ARMC2: variants seen among roughly 807,000 people sequenced by gnomAD.
ARMC2 encodes the protein armadillo repeat containing 2, also known as armadillo repeat-containing protein 2.
Under a neutral mutation model 90.3 loss-of-function variants are expected in ARMC2, and 67 were observed. The ratio of observed to expected loss-of-function variants is 0.74; its 90% confidence interval spans 0.61 to 0.91. The LOEUF is 0.91. Among genes scored for constraint, ARMC2 ranks in the 40% least tolerant of loss-of-function variants. The pLI, the probability that ARMC2 is intolerant of heterozygous loss-of-function variation, is 0.00. For missense variants in ARMC2, 920 were observed against 1,030.9 expected (o/e 0.89, Z 1.47); for synonymous variants, 393 against 393.0 (o/e 1.00, Z 0.00).
intron 10 of ARMC2, 97 bp from the exon 11 acceptor site, chr6:108,927,991 A>G: frequency 1.6e-6 from 2 of 1,248,644 alleles, no homozygotes; most frequent in Non-Finnish European, 2.1e-6. Flanking sequence ...TTAGCTACTG[A>G]TATAAGGAAA....
chr6:108,928,060 A>C, intron 10 of ARMC2, 28 bp from the exon 11 acceptor site: 1 of 1,576,874 alleles, frequency 6.3e-7, no homozygotes, highest in Non-Finnish European at 8.6e-7. Flanking sequence ...AGTTCAAAAA[A>C]AATGGCACAA....
chr6:109,006,605 C>A, the ARMC2 span, among the ~76,000 whole-genome samples: 1 of 152,070 alleles, frequency 6.6e-6, no homozygotes, highest in Non-Finnish European at 1.5e-5. Flanking sequence ...GAGTTGGTAT[C>A]TTTCATTATT....
chr6:109,021,950 T>C, the ARMC2 span, among the ~76,000 whole-genome samples: 4 of 152,188 alleles, frequency 2.6e-5, no homozygotes. Context: ...TCTAAAGGAT[T>C]GGTTAAATTT....
chr6:109,021,791 G>T, the ARMC2 span, among the ~76,000 whole-genome samples: 1 of 151,574 alleles, frequency 6.6e-6, no homozygotes, highest in East Asian at 1.9e-4. Context: ...TGTTGAATCA[G>T]AAAAAAAGGT....
intron 12 of ARMC2, among the ~76,000 whole-genome samples, chr6:108,944,596 C>T (rs1375307544): frequency 6.6e-6 from 1 of 152,168 alleles, no homozygotes; most frequent in Non-Finnish European, 1.5e-5. Context: ...GTGAAACAAG[C>T]ACCAAATTTC....
At chr6:108,903,508 A>G (rs904049216) in intron 7 of ARMC2, among the ~76,000 whole-genome samples, 6 of 152,184 alleles carry the variant, frequency 3.9e-5, no homozygotes, top group Non-Finnish European at 7.3e-5. Flanking sequence ...CTCATAGGAA[A>G]ATACTGATCA....
intron 10 of ARMC2, among the ~76,000 whole-genome samples, chr6:108,917,419 C>T (rs924241489): frequency 2.0e-5 from 3 of 152,090 alleles, no homozygotes; most frequent in African/African-American, 7.2e-5. Flanking sequence ...CCTTTCCTTC[C>T]TTCACTCGGT....
At chr6:108,871,904 C>G (rs78445039) in intron 4 of ARMC2, among the ~76,000 whole-genome samples, 6 of 152,220 alleles carry the variant, frequency 3.9e-5, no homozygotes, top group Non-Finnish European at 7.3e-5. Flanking sequence ...CAGGTCATCC[C>G]TGAGGTCTGG....
intron 1 of ARMC2, among the ~76,000 whole-genome samples, chr6:108,849,360 A>G (rs921031795): frequency 1.3e-5 from 2 of 152,192 alleles, no homozygotes; most frequent in African/African-American, 4.8e-5. Flanking sequence ...AAAATGCTTA[A>G]TAAAAATTAT....
At chr6:108,938,131 T>C (rs1441618795) in intron 12 of ARMC2, among the ~76,000 whole-genome samples, 1 of 152,240 alleles carries the variant, frequency 6.6e-6, no homozygotes, top group Non-Finnish European at 1.5e-5. Context: ...TGAGTATTCA[T>C]TTTAAATGTG....
At chr6:108,989,617 A>C in the ARMC2 span, among the ~76,000 whole-genome samples, 2 of 151,808 alleles carry the variant, frequency 1.3e-5, no homozygotes, top group East Asian at 3.9e-4. Flanking sequence ...ATATCTCTCT[A>C]TATAGAGAAA....
the ARMC2 span, among the ~76,000 whole-genome samples, chr6:109,052,203 A>G: frequency 6.6e-6 from 1 of 152,374 alleles, no homozygotes; most frequent in East Asian, 1.9e-4. Context: ...TCTTAGCCTA[A>G]AACAGTGCCT....
chr6:108,963,712 T>C (rs1778158133), intron 15 of ARMC2, among the ~76,000 whole-genome samples: 1 of 152,214 alleles, frequency 6.6e-6, no homozygotes, highest in African/African-American at 2.4e-5. Flanking sequence ...AGGCCTGCCT[T>C]GCCCCAGGTT....
chr6:108,921,956 C>T (rs908216263), intron 10 of ARMC2, among the ~76,000 whole-genome samples: 3 of 152,184 alleles, frequency 2.0e-5, no homozygotes, highest in Non-Finnish European at 4.4e-5. Flanking sequence ...GAGGCCAGGG[C>T]ACTAGCCTAC....
chr6:109,032,360 T>G, the ARMC2 span, among the ~76,000 whole-genome samples: 62 of 152,284 alleles, frequency 4.1e-4, no homozygotes, highest in African/African-American at 1.4e-3. Flanking sequence ...GGCTCACGCC[T>G]GTAATCCCAG....
intron 9 of ARMC2, among the ~76,000 whole-genome samples, chr6:108,911,765 A>T (rs944657448): frequency 6.6e-6 from 1 of 152,180 alleles, no homozygotes; most frequent in African/African-American, 2.4e-5. Context: ...ATTAAATGTG[A>T]GATATGCATT....
At chr6:108,915,354 C>T (rs994236911) in intron 10 of ARMC2, among the ~76,000 whole-genome samples, 1 of 152,084 alleles carries the variant, frequency 6.6e-6, no homozygotes, top group Non-Finnish European at 1.5e-5. Flanking sequence ...CCAGAGAGAA[C>T]ATGACGAGGG....
chr6:108,887,672 G>T (rs972730116), intron 5 of ARMC2, among the ~76,000 whole-genome samples: 1 of 152,060 alleles, frequency 6.6e-6, no homozygotes, highest in East Asian at 1.9e-4. Context: ...GTTATTTGTC[G>T]ATCAAGATAT....
chr6:109,032,584 C>T, the ARMC2 span, among the ~76,000 whole-genome samples: 2 of 149,516 alleles, frequency 1.3e-5, no homozygotes, highest in African/African-American at 5.1e-5. Flanking sequence ...GGCCATTGCA[C>T]TCTAGCCTGG....
Sources: allele counts gnomAD v4.1 joint callset (sites outside exome capture counted in the v4.1 genomes callset), GRCh38; gene constraint gnomAD v4.1.1; transcripts MANE v1.5; gene names NCBI Gene and HGNC (gene_info 2026-07-23, HGNC 2026-07-21).